The following SEMA6A variants were observed in gnomAD, a reference collection of about 807,000 sequenced individuals.
The protein encoded by SEMA6A is semaphorin 6A.
A neutral mutation model predicts 96.8 loss-of-function variants in SEMA6A; 25 were observed. The observed-to-expected ratio is 0.26, with a 90% confidence interval of 0.19 to 0.36. SEMA6A has a LOEUF of 0.36. SEMA6A is among the 10% of genes least tolerant of loss of function. The pLI is 1.00. For synonymous variants in SEMA6A, 612 were observed against 518.0 expected (o/e 1.18, Z -2.46); for missense variants, 1,363 against 1,323.1 (o/e 1.03, Z -0.47).
In SEMA6A at chr5:116,480,104, G is replaced by A. The variant is rs755647263; in HGVS notation, c.1250+18C>T. 6.8e-6 allele frequency: 11 copies of A among 1,612,778 alleles called. No homozygotes were observed. Among genetic ancestry groups the A allele is most frequent in the East Asian group, 4.5e-5 (2 of 44,874 alleles). The stretch of plus-strand genomic sequence containing the variant: ...GAAGTTAGGAAATCCATCAGGACAC[G>A]GTTTGTTTGACACCCACCTGACCAT... On this transcript the variant is annotated intron_variant, in intron 12 of 18. Transcript: ENST00000343348.
At chr5:116,447,921 C>G (rs1046338819) in intron 18 of SEMA6A, 110 bp from the exon 19 acceptor site, 2 of 846,056 alleles carry the variant, frequency 2.4e-6, no homozygotes, top group Non-Finnish European at 1.8e-6. Flanking sequence ...ACAACAGCAC[C>G]TCTGCACAAC....
intron 1 of SEMA6A, among the ~76,000 whole-genome samples, chr5:116,542,940 T>A (rs1031122960): frequency 6.6e-5 from 10 of 152,186 alleles, no homozygotes; most frequent in African/African-American, 2.4e-4. Flanking sequence ...GGGGGGTCAT[T>A]TTGAAGACAG....
intron 18 of SEMA6A, among the ~76,000 whole-genome samples, chr5:116,464,427 G>C (rs929829332): frequency 1.3e-5 from 2 of 152,172 alleles, no homozygotes; most frequent in African/African-American, 4.8e-5. Context: ...AAGGCCAGTA[G>C]GGTAATGAAG....
intron 1 of SEMA6A, among the ~76,000 whole-genome samples, chr5:116,541,983 A>T (rs1474795940): frequency 1.3e-5 from 2 of 152,220 alleles, no homozygotes; most frequent in Non-Finnish European, 2.9e-5. Context: ...AGCACATGTC[A>T]TATCTTGGCA....
chr5:116,463,399 T>C (rs1461432178), intron 18 of SEMA6A, among the ~76,000 whole-genome samples: 1 of 152,212 alleles, frequency 6.6e-6, no homozygotes, highest in Non-Finnish European at 1.5e-5. Context: ...TAAAGAGAAT[T>C]ATTGATAACA....
intron 18 of SEMA6A, among the ~76,000 whole-genome samples, chr5:116,452,642 A>G (rs1040209601): frequency 1.3e-5 from 2 of 151,938 alleles, no homozygotes; most frequent in Non-Finnish European, 2.9e-5. Context: ...ATGTTAATAA[A>G]TTTTGAAATA....
At chr5:116,519,368 A>G (rs1758821115) in intron 1 of SEMA6A, among the ~76,000 whole-genome samples, 1 of 152,204 alleles carries the variant, frequency 6.6e-6, no homozygotes, top group Non-Finnish European at 1.5e-5. Flanking sequence ...GGGAGGTACA[A>G]GCAAGAACAT....
At chr5:116,461,026 C>A (rs1271800345) in intron 18 of SEMA6A, among the ~76,000 whole-genome samples, 1 of 152,066 alleles carries the variant, frequency 6.6e-6, no homozygotes, top group Non-Finnish European at 1.5e-5. Context: ...TATGATAAAT[C>A]TTTATGGGTC....
chr5:116,510,620 G>C (rs1361905803), intron 1 of SEMA6A, among the ~76,000 whole-genome samples: 1 of 151,684 alleles, frequency 6.6e-6, no homozygotes, highest in Admixed American at 6.6e-5. Context: ...GCTTTTCTTG[G>C]ACTCCTTACA....
rs1754031762 is a variant in SEMA6A at position 116,443,774 on chromosome 5, G to T, written c.*2839C>A. On this transcript the variant is annotated 3_prime_UTR_variant, in exon 19 of 19. Transcript: ENST00000343348. Reference sequence around the variant, plus strand: ...AAATCTGAGTTTGTTGCATCTACCAGTGTCTAGCAAGGGTGGAAAGCAAAG... The same window carrying T: ...AAATCTGAGTTTGTTGCATCTACCATTGTCTAGCAAGGGTGGAAAGCAAAG... 6.6e-6 allele frequency: 1 copy of T among 152,598 alleles called. No homozygotes were observed. The highest frequency in any genetic ancestry group is 6.5e-5 in the Admixed American group (1 of 15,270). The allele number at this position is 152,598 out of a possible 1,614,324, so 9.5% of individuals were successfully genotyped here. A position where few individuals can be genotyped will look rare whatever the true frequency, so the allele number is the denominator to read the frequency against.
intron 1 of SEMA6A, among the ~76,000 whole-genome samples, chr5:116,533,497 A>C (rs1470094005): frequency 2.6e-5 from 4 of 152,156 alleles, no homozygotes; most frequent in Non-Finnish European, 5.9e-5. Flanking sequence ...GTTAAACTAA[A>C]AGTTATTTAG....
At chr5:116,542,758 G>A (rs1760026463) in intron 1 of SEMA6A, among the ~76,000 whole-genome samples, 1 of 152,200 alleles carries the variant, frequency 6.6e-6, no homozygotes, top group Non-Finnish European at 1.5e-5. Context: ...CACACTTAGA[G>A]AAACAGTAAG....
chr5:116,454,789 A>AGT (rs10699953), intron 18 of SEMA6A, among the ~76,000 whole-genome samples: 61,267 of 150,320 alleles, frequency 0.41, 13,664 homozygotes, highest in Non-Finnish European at 0.51. Flanking sequence ...TTTTCCTTTA[A>AGT]GTGTGTGTGT....
At chr5:116,495,379 G>A (rs1313659013) in intron 6 of SEMA6A, 34 bp downstream of exon 6, 4 of 1,481,876 alleles carry the variant, frequency 2.7e-6, no homozygotes, top group Non-Finnish European at 3.7e-6. Flanking sequence ...AATGCCTCCT[G>A]GCAGTGTGGT....
chr5:116,554,061 A>G (rs1348103095), intron 1 of SEMA6A, among the ~76,000 whole-genome samples: 1 of 152,216 alleles, frequency 6.6e-6, no homozygotes, highest in African/African-American at 2.4e-5. Flanking sequence ...AGAGAGCCCT[A>G]TAGTAGGAAA....
chr5:116,553,838 G>C (rs1760507900), intron 1 of SEMA6A, among the ~76,000 whole-genome samples: 1 of 152,068 alleles, frequency 6.6e-6, no homozygotes, highest in African/African-American at 2.4e-5. Context: ...TGATAAGATA[G>C]CTTCTCACAC....
intron 6 of SEMA6A, chr5:116,492,512 C>T (rs1232988649): frequency 6.6e-6 from 1 of 152,182 alleles, no homozygotes; most frequent in Non-Finnish European, 1.5e-5. Flanking sequence ...CTATCAGGTA[C>T]AGATAATTAT....
chr5:116,499,964 GA>G (rs904170459), intron 3 of SEMA6A, among the ~76,000 whole-genome samples: 1 of 152,194 alleles, frequency 6.6e-6, no homozygotes, highest in African/African-American at 2.4e-5. Context: ...AACTCAACTG[GA>G]AAGTGAACAA....
chr5:116,467,855 G>A (rs1325389118), intron 17 of SEMA6A, 108 bp from the exon 18 acceptor site: 3 of 1,124,312 alleles, frequency 2.7e-6, no homozygotes, highest in Middle Eastern at 2.3e-4. Flanking sequence ...AGACTGAGAG[G>A]AGATGGCCCT....
Sources: gnomAD v4.1 joint callset for allele counts (sites outside exome capture counted in the v4.1 genomes callset) on GRCh38, gnomAD v4.1.1 for gene constraint, MANE v1.5 for transcripts, NCBI Gene and HGNC (gene_info 2026-07-23, HGNC 2026-07-21) for gene names.